The following SDCCAG8 variants were observed in gnomAD, a reference collection of about 807,000 sequenced individuals.
SDCCAG8 encodes the protein serologically defined colon cancer antigen 8.
In SDCCAG8, 74 loss-of-function variants were observed where a neutral mutation model predicts 101.8. The observed-to-expected ratio is 0.73, with a 90% CI of 0.60 to 0.88. The LOEUF (loss-of-function observed/expected upper bound fraction) is 0.88. Among genes scored for constraint, SDCCAG8 ranks in the 40% least tolerant of loss-of-function variants. The pLI, the probability that SDCCAG8 is intolerant of heterozygous loss-of-function variation, is 0.00. For missense variants in SDCCAG8, 787 were observed against 822.6 expected (o/e 0.96, Z 0.53); for synonymous variants, 281 against 292.9 (o/e 0.96, Z 0.41).
At chr1:243,365,819 A>T (rs1287468913) in intron 12 of SDCCAG8, among the ~76,000 whole-genome samples, 1 of 152,128 alleles carries the variant, frequency 6.6e-6, no homozygotes, top group Non-Finnish European at 1.5e-5. Flanking sequence ...GGCTTTGAAG[A>T]GTATGCCTGC....
chr1:243,262,879 C>T (rs575520596), intron 1 of SDCCAG8, among the ~76,000 whole-genome samples: 1 of 152,296 alleles, frequency 6.6e-6, no homozygotes, highest in East Asian at 1.9e-4. Context: ...TCATCAAAGC[C>T]CACTGGATAC....
chr1:243,307,678 A>G, intron 7 of SDCCAG8: 13 of 1,245,558 alleles, frequency 1.0e-5, no homozygotes, highest in Non-Finnish European at 1.3e-5. Context: ...TGTGGTTAAT[A>G]TAACATTAAT....
intron 12 of SDCCAG8, among the ~76,000 whole-genome samples, chr1:243,357,751 G>T (rs917098690): frequency 6.6e-6 from 1 of 152,206 alleles, no homozygotes; most frequent in Non-Finnish European, 1.5e-5. Flanking sequence ...TCAGCAAAGG[G>T]TGTGGCCTAC....
intron 1 of SDCCAG8, among the ~76,000 whole-genome samples, chr1:243,261,698 T>G (rs924156678): frequency 6.6e-6 from 1 of 152,180 alleles, no homozygotes; most frequent in African/African-American, 2.4e-5. Context: ...CTTGTATTTC[T>G]TTTTTGCTTT....
At chr1:243,307,571 G>A in intron 7 of SDCCAG8, 5 of 983,566 alleles carry the variant, frequency 5.1e-6, no homozygotes, top group Non-Finnish European at 6.0e-6. Context: ...CTTGAAATAG[G>A]GTATTTTCCT....
chr1:243,431,993 C>T (rs1231251851), intron 16 of SDCCAG8, among the ~76,000 whole-genome samples: 1 of 152,124 alleles, frequency 6.6e-6, no homozygotes, highest in Non-Finnish European at 1.5e-5. Flanking sequence ...GGTAATTCTT[C>T]TATAAACTAG....
At chr1:243,290,079 A>G (rs905467201) in intron 5 of SDCCAG8, among the ~76,000 whole-genome samples, 2 of 152,082 alleles carry the variant, frequency 1.3e-5, no homozygotes, top group Non-Finnish European at 2.9e-5. Flanking sequence ...ATACGAAAAC[A>G]TGTTATTTAT....
intron 9 of SDCCAG8, among the ~76,000 whole-genome samples, chr1:243,320,372 T>C (rs2073648482): frequency 6.6e-6 from 1 of 152,234 alleles, no homozygotes; most frequent in South Asian, 2.1e-4. Flanking sequence ...CATGTGACTC[T>C]GATTTAAAAT....
In SDCCAG8 at chr1:243,349,818, T is replaced by C. The variant is rs543053729; in HGVS notation, c.1473+5487T>C. On this transcript the variant is annotated intron_variant, in intron 12 of 17. Transcript: ENST00000366541. ...TTTTTCAGAGATAAGAAGGCTGATATAGAAAGCGTCTTTCTTTTTTTTTTT... is the reference window on the plus strand; with the variant it reads ...TTTTTCAGAGATAAGAAGGCTGATACAGAAAGCGTCTTTCTTTTTTTTTTT... 1.8e-4 allele frequency among the ~76,000 whole-genome samples: 28 copies of C among 152,138 alleles called. 1 individual carries two copies. In the South Asian group the frequency reaches 3.1e-3, roughly 17 times the overall value.
chr1:243,274,935 C>T (rs1558218614), intron 4 of SDCCAG8, among the ~76,000 whole-genome samples: 1 of 152,172 alleles, frequency 6.6e-6, no homozygotes, highest in African/African-American at 2.4e-5. Context: ...TTCCTTCTCA[C>T]CCCGCTTGCT....
At chr1:243,305,345 C>T (rs901301955) in intron 7 of SDCCAG8, 2 of 151,418 alleles carry the variant, frequency 1.3e-5, no homozygotes, top group Admixed American at 6.6e-5. Context: ...TCACTAACTG[C>T]TCTTATAGAA....
chr1:243,330,416 T>C, intron 9 of SDCCAG8, 124 bp from the exon 10 acceptor site: 1 of 903,048 alleles, frequency 1.1e-6, no homozygotes, highest in Non-Finnish European at 1.7e-6. Flanking sequence ...CAATAAAAAA[T>C]TATTCTAATG....
At chr1:243,443,380 G>A (rs1343719410) in intron 16 of SDCCAG8, among the ~76,000 whole-genome samples, 1 of 152,220 alleles carries the variant, frequency 6.6e-6, no homozygotes, top group African/African-American at 2.4e-5. Context: ...GATACACCAG[G>A]TGGTTGTTGC....
intron 9 of SDCCAG8, among the ~76,000 whole-genome samples, chr1:243,324,001 C>T (rs78436724): frequency 0.033 from 5,000 of 152,224 alleles, 264 homozygotes; most frequent in African/African-American, 0.11. Context: ...TCCCAGCCCT[C>T]CTCCCATGTT....
chr1:243,338,916 G>A (rs1313573433), intron 10 of SDCCAG8: 1 of 153,166 alleles, frequency 6.5e-6, no homozygotes, highest in Non-Finnish European at 1.5e-5. Context: ...AGAAGCTCCT[G>A]CCGTGTAATG....
rs1014619954 is a variant in SDCCAG8 at position 243,316,738 on chromosome 1, T to C, written c.930-17T>C. On this transcript the variant is annotated splice_polypyrimidine_tract_variant and intron_variant, in intron 8 of 17. Coordinates refer to ENST00000366541, the MANE Select transcript of SDCCAG8 (RefSeq NM_006642.5). The stretch of plus-strand genomic sequence containing the variant: ...TTTGATCATTTCTTGTTTTGAATGT[T>C]CTTTTTGTGCTGACAGAGAAAGAGA... 3.7e-6 allele frequency: 6 copies of C among 1,614,022 alleles called. No homozygotes were observed. In the African/African-American group the frequency reaches 6.7e-5, roughly 18 times the overall value.
intron 15 of SDCCAG8, among the ~76,000 whole-genome samples, chr1:243,423,742 T>A (rs980038019): frequency 2.6e-5 from 4 of 152,156 alleles, no homozygotes; most frequent in African/African-American, 9.6e-5. Flanking sequence ...GAAGTGAGAT[T>A]TTTTTAAAAA....
chr1:243,298,089 C>T (rs1473937232), intron 6 of SDCCAG8, among the ~76,000 whole-genome samples: 3 of 150,794 alleles, frequency 2.0e-5, no homozygotes, highest in Admixed American at 1.3e-4. Flanking sequence ...CACTCTGTCA[C>T]CCAGGCTGGA....
At chr1:243,469,690 T>C (rs1186257308) in intron 16 of SDCCAG8, among the ~76,000 whole-genome samples, 1 of 152,176 alleles carries the variant, frequency 6.6e-6, no homozygotes, top group Non-Finnish European at 1.5e-5. Flanking sequence ...ATTGGCATAT[T>C]GGACCCTGGG....
Sources: gnomAD v4.1 joint callset for allele counts (sites outside exome capture counted in the v4.1 genomes callset) on GRCh38, gnomAD v4.1.1 for gene constraint, MANE v1.5 for transcripts, NCBI Gene and HGNC (gene_info 2026-07-23, HGNC 2026-07-21) for gene names.